The following RASGRF2 variants were observed in gnomAD, a reference collection of about 807,000 sequenced individuals.
The protein encoded by RASGRF2 is Ras protein specific guanine nucleotide releasing factor 2.
RASGRF2 carries 76 observed loss-of-function variants against 151.0 expected under a neutral mutation model. The observed-to-expected ratio is 0.50, with a 90% CI of 0.42 to 0.61. The LOEUF (loss-of-function observed/expected upper bound fraction) is 0.61. Ranked by LOEUF, RASGRF2 falls within the 20% of genes least tolerant of loss-of-function variation. RASGRF2 has a pLI of 0.00. For missense variants in RASGRF2, 1,148 were observed against 1,564.6 expected, an observed-to-expected ratio of 0.73 and a Z score of 4.49; for synonymous variants, 504 against 566.5, an observed-to-expected ratio of 0.89 and a Z score of 1.57.
At chr5:81,084,696 C>T (rs564806361) in intron 7 of RASGRF2, among the ~76,000 whole-genome samples, 1 of 152,286 alleles carries the variant, frequency 6.6e-6, no homozygotes, top group Non-Finnish European at 1.5e-5. Context: ...ATGCAGATCC[C>T]TAGGTAGGGC....
Position 81,112,821 on chromosome 5 carries a change from G to T in RASGRF2, c.2050G>T (p.Asp684Tyr). 2 of 1,614,162 alleles carry T rather than the reference G, an allele frequency of 1.2e-6. No homozygotes were observed. Among genetic ancestry groups the T allele is most frequent in the Non-Finnish European group, 1.7e-6 (2 of 1,180,040 alleles). ...CGCTGTGGTGCTGGGGAAACTCTCC[G>T]ACATATACAAGAGGCCTTTCACCTC... ...TAAVVLGKLS[D>Y]IYKRPFTSIP... Residue 684 changes from aspartate to tyrosine, a missense_variant, in exon 14 of 27, where the codon GAC (aspartate) becomes TAC (tyrosine). By Grantham distance (160) the Asp-to-Tyr change is radical (BLOSUM62 -3). Coordinates refer to ENST00000265080, the MANE Select transcript of RASGRF2 (RefSeq NM_006909.3).
chr5:81,032,097 C>A (rs188186349), intron 1 of RASGRF2, among the ~76,000 whole-genome samples: 122 of 152,134 alleles, frequency 8.0e-4, no homozygotes, highest in African/African-American at 2.9e-3. Flanking sequence ...AAGATTAAAC[C>A]AGGAGAAGTG....
At chr5:81,048,977 G>A (rs147330326) in intron 2 of RASGRF2, among the ~76,000 whole-genome samples, 1 of 152,000 alleles carries the variant, frequency 6.6e-6, no homozygotes, top group African/African-American at 2.4e-5. Context: ...TGCTCTCCTA[G>A]GCACGCAGCT....
At chr5:81,173,665 A>C (rs1201886236) in intron 17 of RASGRF2, among the ~76,000 whole-genome samples, 1 of 152,230 alleles carries the variant, frequency 6.6e-6, no homozygotes, top group Admixed American at 6.5e-5. Context: ...CATGTCTAGG[A>C]AAATGTTCTA....
rs138536877 is a variant in RASGRF2 at position 81,165,043 on chromosome 5, C to A, written c.2687-15132C>A. Among the ~76,000 whole-genome samples, 839 of 152,326 alleles carry A rather than the reference C, an allele frequency of 5.5e-3. 7 individuals are homozygous for A. The highest frequency in any genetic ancestry group is 0.019 in the African/African-American group (801 of 41,572). ...CCGCAGCCTGCCAGTGTGGAGGGTT[C>A]CCCAAGGGTGGGACCCAGCGTGACC... On this transcript the variant is annotated intron_variant, in intron 17 of 26. Coordinates refer to ENST00000265080, the MANE Select transcript of RASGRF2 (RefSeq NM_006909.3).
intron 1 of RASGRF2, among the ~76,000 whole-genome samples, chr5:81,036,971 C>T (rs1750520050): frequency 6.6e-6 from 1 of 152,182 alleles, no homozygotes; most frequent in African/African-American, 2.4e-5. Flanking sequence ...TTAATGGACT[C>T]ACAGTTCCAT....
intron 7 of RASGRF2, among the ~76,000 whole-genome samples, chr5:81,081,648 G>A (rs796944314): frequency 2.6e-4 from 39 of 152,252 alleles, no homozygotes; most frequent in African/African-American, 9.4e-4. Context: ...GTGTGTTATG[G>A]TTACTGTGGA....
intron 17 of RASGRF2, among the ~76,000 whole-genome samples, chr5:81,134,493 G>A (rs1218650009): frequency 6.6e-6 from 1 of 152,082 alleles, no homozygotes; most frequent in East Asian, 1.9e-4. Context: ...TGGGCCTGTA[G>A]CATCAGCATA....
intron 1 of RASGRF2, among the ~76,000 whole-genome samples, chr5:81,001,970 A>C (rs1263403388): frequency 6.6e-6 from 1 of 152,158 alleles, no homozygotes; most frequent in African/African-American, 2.4e-5. Flanking sequence ...CTTCTAGGGG[A>C]ACTGTTTATA....
intron 17 of RASGRF2, among the ~76,000 whole-genome samples, chr5:81,171,536 G>A (rs1754656963): frequency 8.4e-6 from 1 of 118,762 alleles, no homozygotes; most frequent in South Asian, 3.0e-4. Flanking sequence ...TTCAAAGTGT[G>A]TTCCTTTTGT....
chr5:81,151,187 G>A (rs755595636), intron 17 of RASGRF2, among the ~76,000 whole-genome samples: 26 of 152,198 alleles, frequency 1.7e-4, no homozygotes, highest in Non-Finnish European at 3.4e-4. Context: ...GGGACTAGAT[G>A]TACTTCAAAG....
chr5:81,050,669 T>C (rs1180687014), intron 2 of RASGRF2, among the ~76,000 whole-genome samples: 1 of 152,184 alleles, frequency 6.6e-6, no homozygotes, highest in Non-Finnish European at 1.5e-5. Flanking sequence ...ATGGAGCTCT[T>C]AGCAGCTTGC....
intron 1 of RASGRF2, among the ~76,000 whole-genome samples, chr5:81,017,431 G>T (rs562223267): frequency 1.3e-5 from 2 of 152,330 alleles, no homozygotes; most frequent in African/African-American, 4.8e-5. Context: ...CTCAATGCTG[G>T]TATGAATAAA....
At chr5:81,169,056 T>C (rs1754582727) in intron 17 of RASGRF2, among the ~76,000 whole-genome samples, 1 of 152,214 alleles carries the variant, frequency 6.6e-6, no homozygotes, top group Non-Finnish European at 1.5e-5. Context: ...ACTTCTGATT[T>C]TTAAGTACTG....
At position 80,960,572 on chromosome 5, in the gene RASGRF2, G is replaced by C. The variant is rs1449659730; in HGVS notation, c.-167G>C. 2.9e-5 allele frequency: 16 copies of C among 546,736 alleles called. No homozygotes were observed. The highest frequency in any genetic ancestry group is 2.6e-4 in the African/African-American group (13 of 50,242). 33.9% of individuals were successfully genotyped at this position (546,736 alleles called of 1,614,324 possible). Reference sequence around the variant, plus strand: ...GCCCGCGCCCCTGCCACCGCGCGCCGCGGCCTCCCGAAAGCGGGCGGGGTG... The same window carrying C: ...GCCCGCGCCCCTGCCACCGCGCGCCCCGGCCTCCCGAAAGCGGGCGGGGTG... On this transcript the variant is annotated 5_prime_UTR_variant, in exon 1 of 27. Coordinates refer to ENST00000265080, the MANE Select transcript of RASGRF2 (RefSeq NM_006909.3). This position sits in a 1 kb window ranked among gnomAD's most constrained non-coding sequence, Gnocchi z 5.5.
intron 18 of RASGRF2, among the ~76,000 whole-genome samples, chr5:81,180,883 T>C (rs1754901751): frequency 1.3e-5 from 2 of 152,230 alleles, no homozygotes; most frequent in East Asian, 1.9e-4. Context: ...CAGTGCACGT[T>C]TGTAGAATTT....
intron 1 of RASGRF2, among the ~76,000 whole-genome samples, chr5:80,964,020 T>C (rs1314100507): frequency 6.6e-6 from 1 of 151,350 alleles, no homozygotes; most frequent in Non-Finnish European, 1.5e-5. Context: ...TTTTTTACAC[T>C]TGGACTTAAA....
intron 17 of RASGRF2, among the ~76,000 whole-genome samples, chr5:81,169,931 G>C (rs543352952): frequency 8.9e-5 from 13 of 146,038 alleles, no homozygotes; most frequent in African/African-American, 3.4e-4. Flanking sequence ...TGCATCACCT[G>C]TACCACCTGT....
Position 81,116,229 on chromosome 5 carries a change from C to T in RASGRF2, c.2470+2309C>T, listed in dbSNP as rs186457458. Among the ~76,000 whole-genome samples the T allele has an allele frequency of 5.3e-4, 81 of 151,722 alleles. 1 individual carries two copies. In the South Asian group the frequency reaches 9.0e-3, roughly 17 times the overall value. On this transcript the variant is annotated intron_variant, in intron 15 of 26. Coordinates refer to ENST00000265080, the MANE Select transcript of RASGRF2 (RefSeq NM_006909.3). Reference sequence around the variant, plus strand: ...TCCTGAGTAGCTGGGATTACAGGCACGCACCATCATGCCTTGCTAATTTTT... The same window carrying T: ...TCCTGAGTAGCTGGGATTACAGGCATGCACCATCATGCCTTGCTAATTTTT...
Sources: gnomAD v4.1 joint callset for allele counts (sites outside exome capture counted in the v4.1 genomes callset) on GRCh38, gnomAD v4.1.1 for gene constraint, Gnocchi (gnomAD v3.1) non-coding constraint, MANE v1.5 for transcripts, NCBI Gene and HGNC (gene_info 2026-07-23, HGNC 2026-07-21) for gene names.